Variants in NDUFB2 observed in about 807,000 individuals in gnomAD.
NDUFB2 encodes NADH:ubiquinone oxidoreductase subunit B2.
NDUFB2 carries 13 observed loss-of-function variants against 13.4 expected under a neutral mutation model. The observed-to-expected ratio is 0.97, with a 90% CI of 0.63 to 1.54. The LOEUF (loss-of-function observed/expected upper bound fraction) is 1.54, where lower values mean the gene tolerates loss of function less well. NDUFB2 is among the 40% of genes most tolerant of loss of function. The probability of loss-of-function intolerance (pLI) is 0.00; values close to 1 mark genes in which losing one functional copy is unlikely to be tolerated. For missense variants in NDUFB2, 150 were observed against 139.7 expected (o/e 1.07, Z -0.37); for synonymous variants, 47 against 50.6 (o/e 0.93, Z 0.30).
rs1794830817 is a variant in NDUFB2, at chr7:140,697,495, G to A, written c.98+653G>A. The A allele has an allele frequency of 5.8e-6, 4 of 689,678 alleles. No individual in the cohort carries two copies. In the African/African-American group the frequency reaches 7.0e-5, roughly 12 times the overall value. The allele number at this position is 689,678 out of a possible 1,614,324, so 42.7% of individuals were successfully genotyped here. A position where few individuals can be genotyped will look rare whatever the true frequency, so the allele number is the denominator to read the frequency against. The stretch of plus-strand genomic sequence containing the variant: ...AGGTGGCCCGAGACGCAGACCGGAG[G>A]GCGGAGGGCTGGGGGTGCGAGGTAG... On this transcript the variant is annotated intron_variant, in intron 1 of 3. Transcript: ENST00000247866.
chr7:140,703,273 ATTTTTT>A (rs10597210), intron 2 of NDUFB2, among the ~76,000 whole-genome samples: 1 of 120,328 alleles, frequency 8.3e-6, no homozygotes, highest in Non-Finnish European at 1.7e-5. Context: ...CTAAAAGCTC[ATTTTTT>A]TTTTTTTTTT....
At chr7:140,706,025 TTTAG>T in intron 3 of NDUFB2, 1 of 148,330 alleles carries the variant, frequency 6.7e-6, no homozygotes. Flanking sequence ...TTTATTTTAT[TTTAG>T]TTTGTTATGT....
intron 2 of NDUFB2, 92 bp from the exon 3 acceptor site, chr7:140,704,768 T>TA: frequency 1.1e-6 from 1 of 881,836 alleles, no homozygotes; most frequent in East Asian, 2.8e-5. Flanking sequence ...TATTGTTTTT[T>TA]TTTTTTTCTT....
chr7:140,702,994 A>C lies in NDUFB2; in HGVS notation c.227A>C (p.Asp76Ala). The C allele has an allele frequency of 6.2e-7, 1 of 1,613,530 alleles. No homozygotes were observed. The highest frequency in any genetic ancestry group is 8.5e-7 in the Non-Finnish European group (1 of 1,179,956). Residue 76 changes from aspartate to alanine, a missense_variant, in exon 2 of 4, where the codon GAC (aspartate) becomes GCC (alanine). Transcript: ENST00000247866. ...WFWILWRFWH[D>A]SEEVLGHFPY... Reference sequence around the variant, plus strand: ...TGGATTCTCTGGCGCTTTTGGCATGACTCAGAAGAGGTGCTGGTAAGTGCA... The same window carrying C: ...TGGATTCTCTGGCGCTTTTGGCATGCCTCAGAAGAGGTGCTGGTAAGTGCA...
At chr7:140,702,217 C>T (rs1273651492) in intron 1 of NDUFB2, among the ~76,000 whole-genome samples, 1 of 151,950 alleles carries the variant, frequency 6.6e-6, no homozygotes, top group African/African-American at 2.4e-5. Flanking sequence ...TAGGAATAGC[C>T]CCAGTAGGTG....
At chr7:140,697,581 G>C (rs142541369) in intron 1 of NDUFB2, among the ~76,000 whole-genome samples, 3 of 152,160 alleles carry the variant, frequency 2.0e-5, no homozygotes, top group African/African-American at 7.2e-5. Flanking sequence ...CAGAGATTCC[G>C]TAAGAGCAGG....
chr7:140,706,422 G>A (rs1169582671), intron 3 of NDUFB2, 141 bp from the exon 4 acceptor site: 2 of 152,026 alleles, frequency 1.3e-5, no homozygotes, highest in African/African-American at 4.8e-5. Flanking sequence ...GAGAGAGGAA[G>A]GGTGATTTTG....
In NDUFB2 at chr7:140,696,740, C is replaced by A; in HGVS notation, c.-5C>A. On this transcript the variant is annotated 5_prime_UTR_variant, in exon 1 of 4. Coordinates refer to ENST00000247866, the MANE Select transcript of NDUFB2 (RefSeq NM_004546.3). ...CTGGGGACCGCGGGGCGGACGGGAG[C>A]GAGTATGTCCGCTCTGACTCGGCTG... The A allele has an allele frequency of 6.3e-7, 1 of 1,585,232 alleles. No homozygotes were observed. The highest frequency in any genetic ancestry group is 8.6e-7 in the Non-Finnish European group (1 of 1,166,912).
chr7:140,706,053 GTTATGTTTTA>G (rs938912135), intron 3 of NDUFB2: 2 of 143,334 alleles, frequency 1.4e-5, no homozygotes, highest in African/African-American at 5.4e-5. Context: ...GTTATGTTAT[GTTATGTTTTA>G]TGTTATGTTA....
chr7:140,704,044 T>G (rs1794933424), intron 2 of NDUFB2, among the ~76,000 whole-genome samples: 1 of 152,170 alleles, frequency 6.6e-6, no homozygotes, highest in Admixed American at 6.5e-5. Flanking sequence ...CGTGAGCCAC[T>G]GCGCCCGGCC....
intron 1 of NDUFB2, chr7:140,697,383 C>A: frequency 1.4e-6 from 1 of 702,790 alleles, no homozygotes; most frequent in South Asian, 1.5e-5. Context: ...CCAGAGAGAG[C>A]GCCGTCGGGT....
rs202028313 is a variant in NDUFB2, at chr7:140,706,031, T to TTGTTATGTTATGTTATGTTATGTTA, written c.*30-527_*30-503dup. ...TTATTTTATTTTATTTTATTTTAGT[T>TTGTTATGTTATGTTATGTTATGTTA]TGTTATGTTATGTTATGTTATGTTA... On this transcript the variant is annotated intron_variant, in intron 3 of 3. Transcript: ENST00000247866. 5.3e-3 allele frequency: 754 copies of TTGTTATGTTATGTTATGTTATGTTA among 142,022 alleles called. 9 individuals are homozygous for TTGTTATGTTATGTTATGTTATGTTA. Among genetic ancestry groups the TTGTTATGTTATGTTATGTTATGTTA allele is most frequent in the African/African-American group, 0.021 (714 of 34,288 alleles). The allele number at this position is 142,022 out of a possible 1,614,324, so 8.8% of individuals were successfully genotyped here.
intron 2 of NDUFB2, among the ~76,000 whole-genome samples, chr7:140,703,593 C>T (rs1371440230): frequency 6.6e-6 from 1 of 150,828 alleles, no homozygotes. Context: ...ATTCTTTTAC[C>T]TTCTGAACTA....
In NDUFB2 at chr7:140,703,548, C is replaced by T. The variant is rs549889838; in HGVS notation, c.243+538C>T. On this transcript the variant is annotated intron_variant, in intron 2 of 3. Coordinates refer to ENST00000247866, the MANE Select transcript of NDUFB2 (RefSeq NM_004546.3). The stretch of plus-strand genomic sequence containing the variant: ...ACTCAGCCTCCCAGAGTGCTGGGAT[C>T]ACAGGCGTGAGCCACCGCGCCTGGC... Among the ~76,000 whole-genome samples, 4 of 151,460 alleles carry T rather than the reference C, an allele frequency of 2.6e-5. No homozygotes were observed. The East Asian group carries it at 7.9e-4, about 30-fold the overall frequency.
At chr7:140,705,204 A>G (rs1173606928) in intron 3 of NDUFB2, 3 of 259,490 alleles carry the variant, frequency 1.2e-5, no homozygotes, top group Non-Finnish European at 2.1e-5. Flanking sequence ...GGTTCAAGTG[A>G]TTCTCCTTCC....
chr7:140,705,513 G>A (rs1009156378), intron 3 of NDUFB2: 1 of 152,076 alleles, frequency 6.6e-6, no homozygotes, highest in South Asian at 2.1e-4. Context: ...GTGTCACTAT[G>A]TTGCCCAGGC....
intron 1 of NDUFB2, chr7:140,700,833 A>G (rs1356050980): frequency 6.6e-6 from 1 of 152,038 alleles, no homozygotes; most frequent in East Asian, 1.9e-4. Context: ...ATGATCCTGC[A>G]TGGTTTATTT....
chr7:140,705,223 C>T (rs1446580643), intron 3 of NDUFB2: 4 of 228,196 alleles, frequency 1.8e-5, no homozygotes, highest in African/African-American at 9.1e-5. Flanking sequence ...CCTCAGCCTC[C>T]TGAGTAGCTG....
intron 1 of NDUFB2, chr7:140,697,184 G>C (rs561376190): frequency 2.6e-5 from 16 of 612,454 alleles, no homozygotes; most frequent in East Asian, 1.4e-4. Flanking sequence ...TGCGCGGCGG[G>C]TGTGGACGCT....
Sources: gnomAD v4.1 joint callset for allele counts (sites outside exome capture counted in the v4.1 genomes callset) on GRCh38, gnomAD v4.1.1 for gene constraint, MANE v1.5 for transcripts, NCBI Gene and HGNC (gene_info 2026-07-23, HGNC 2026-07-21) for gene names.